Variants in SIPA1L1 observed in about 807,000 individuals in gnomAD.
SIPA1L1 encodes signal-induced proliferation-associated 1-like protein 1.
Under a neutral mutation model 162.7 loss-of-function variants are expected in SIPA1L1, and 26 were observed. The observed-to-expected ratio is 0.16, with a 90% CI of 0.12 to 0.22. The LOEUF (loss-of-function observed/expected upper bound fraction) is 0.22, where lower values mean the gene tolerates loss of function less well. Ranked by LOEUF, SIPA1L1 falls within the 10% of genes least tolerant of loss-of-function variation. The probability of loss-of-function intolerance (pLI) is 1.00; values close to 1 mark genes in which losing one functional copy is unlikely to be tolerated. For missense variants in SIPA1L1, 1,874 were observed against 2,241.0 expected, an observed-to-expected ratio of 0.84 and a Z score of 3.31; for synonymous variants, 829 against 837.4, an observed-to-expected ratio of 0.99 and a Z score of 0.17.
Position 71,326,239 on chromosome 14 carries a change from C to T in SIPA1L1, c.-465+5058C>T, listed in dbSNP as rs369994150. On this transcript the variant is annotated intron_variant, in intron 2 of 23. Coordinates refer to ENST00000381232, the MANE Select transcript of SIPA1L1 (RefSeq NM_001386936.1). Reference sequence around the variant, plus strand: ...TTTTTTTTTTTTTGAGATGGAGTCTCGCTGTGTCACCCAGGCTGGAGTGCA... The same window carrying T: ...TTTTTTTTTTTTTGAGATGGAGTCTTGCTGTGTCACCCAGGCTGGAGTGCA... 5.2e-3 allele frequency among the ~76,000 whole-genome samples: 765 copies of T among 147,776 alleles called. 11 individuals are homozygous for T. The highest frequency in any genetic ancestry group is 0.018 in the African/African-American group (715 of 39,940).
At chr14:71,735,018 T>C (rs535820950) in intron 21 of SIPA1L1, among the ~76,000 whole-genome samples, 1 of 152,304 alleles carries the variant, frequency 6.6e-6, no homozygotes, top group South Asian at 2.1e-4. Flanking sequence ...TTTCATAGAA[T>C]GCTACAGTGA....
In SIPA1L1 at chr14:71,589,086, A is replaced by G; in HGVS notation, c.1214A>G (p.Asp405Gly). 1 of 1,614,182 alleles carries G rather than the reference A, an allele frequency of 6.2e-7. No homozygotes were observed. The highest frequency in any genetic ancestry group is 8.5e-7 in the Non-Finnish European group (1 of 1,179,998). The stretch of plus-strand genomic sequence containing the variant: ...AGCCTCAGCATGGACCAGGGAGATG[A>G]TAAAAGCAATGAGCTTGTAATGAGC... ...KGSLSMDQGDDKSNELVMSCP... is the reference protein window; with the variant it reads ...KGSLSMDQGDGKSNELVMSCP... The change falls in exon 5 of 24, where the codon GAT becomes GGT. Residue 405 changes from aspartate to glycine, a missense_variant. Around this residue, in one of 5 missense-constraint regions of SIPA1L1, gnomAD observed 685 missense variants for 828.0 expected, o/e 0.83. Coordinates refer to ENST00000381232, the MANE Select transcript of SIPA1L1 (RefSeq NM_001386936.1).
In SIPA1L1 at chr14:71,476,649, T is replaced by TTTTATTTA. The variant is rs200935200; in HGVS notation, c.-464-36058_-464-36051dup. 5.7e-3 allele frequency among the ~76,000 whole-genome samples: 841 copies of TTTTATTTA among 146,302 alleles called. 5 individuals are homozygous for TTTTATTTA. Among genetic ancestry groups the TTTTATTTA allele is most frequent in the Middle Eastern group, 0.017 (5 of 286 alleles). On this transcript the variant is annotated intron_variant, in intron 2 of 23. Coordinates refer to ENST00000381232, the MANE Select transcript of SIPA1L1 (RefSeq NM_001386936.1). Reference sequence around the variant, plus strand: ...AATAACAAATCTGTCAATTTGTTCGTTTTATTTATTTATTTATTTATTTAT... The same window carrying TTTTATTTA: ...AATAACAAATCTGTCAATTTGTTCGTTTTATTTATTTATTTATTTATTTATTTATTTAT...
In SIPA1L1 at chr14:71,623,962, C is replaced by A. The variant is rs2039712581; in HGVS notation, c.1630-86C>A. ...TCATTCCCTAGCTCTGTGAGGAGCC[C>A]CACAGTTCAGGCCTGCAGTGCATGT... On this transcript the variant is annotated intron_variant, in intron 6 of 23. Transcript: ENST00000381232. 3.5e-6 allele frequency: 4 copies of A among 1,138,674 alleles called. No homozygotes were observed. In the South Asian group the frequency reaches 6.6e-5, roughly 19 times the overall value. 70.5% of individuals were successfully genotyped at this position (1,138,674 alleles called of 1,614,324 possible). A position where few individuals can be genotyped will look rare whatever the true frequency, so the allele number is the denominator to read the frequency against.
Position 71,393,906 on chromosome 14 carries a change from A to G in SIPA1L1, c.-465+72725A>G, listed in dbSNP as rs145862163. Among the ~76,000 whole-genome samples, 17 of 152,372 alleles carry G rather than the reference A, an allele frequency of 1.1e-4. No individual in the cohort carries two copies. The East Asian group carries it at 3.1e-3, about 28-fold the overall frequency. On this transcript the variant is annotated intron_variant, in intron 2 of 23. Transcript: ENST00000381232. Reference sequence around the variant, plus strand: ...GGCTGATCAGATCCTGGAAAATCTGATATGCTTAAACAGAATTTTTTGAAT... The same window carrying G: ...GGCTGATCAGATCCTGGAAAATCTGGTATGCTTAAACAGAATTTTTTGAAT...
chr14:71,690,357 A>G lies in SIPA1L1; in HGVS notation c.3374+4726A>G, dbSNP rs545191926. 3.3e-5 allele frequency among the ~76,000 whole-genome samples: 5 copies of G among 151,954 alleles called. No individual in the cohort carries two copies. In the South Asian group the frequency reaches 8.3e-4, roughly 25 times the overall value. ...GGGTTCAAGCCATCCTCCCACCTCA[A>G]TCTGCTGAGTAACTAGTACTGCAGG... is the stretch of plus-strand genomic sequence containing the variant. On this transcript the variant is annotated intron_variant, in intron 13 of 23. Coordinates refer to ENST00000381232, the MANE Select transcript of SIPA1L1 (RefSeq NM_001386936.1).
chr14:71,581,267 G>T (rs1262600191), intron 4 of SIPA1L1, among the ~76,000 whole-genome samples: 1 of 152,190 alleles, frequency 6.6e-6, no homozygotes, highest in Non-Finnish European at 1.5e-5. Context: ...CTGGGCTTAA[G>T]AAACCCTCCC....
rs1025825275 is a variant in SIPA1L1, at chr14:71,404,433, A to T, written c.-465+83252A>T. ...ATGGCAGGCGCCTGTAATCCCAGCT[A>T]CTCAGGAGGCTGAGGTAGGAGAATC... On this transcript the variant is annotated intron_variant, in intron 2 of 23. Transcript: ENST00000381232. 2.0e-5 allele frequency among the ~76,000 whole-genome samples: 3 copies of T among 152,242 alleles called. No homozygotes were observed. In the East Asian group the frequency reaches 5.8e-4, roughly 29 times the overall value.
In SIPA1L1 at chr14:71,618,773, T is replaced by G; in HGVS notation, c.1515T>G (p.Phe505Leu). The G allele has an allele frequency of 6.2e-7, 1 of 1,613,780 alleles. No homozygotes were observed. Among genetic ancestry groups the G allele is most frequent in the Non-Finnish European group, 8.5e-7 (1 of 1,179,836 alleles). Reference sequence around the variant, plus strand: ...TTACCTAAGAACACTGGAACTATTTTGGGGCTGATGAGAATCTTGGTCCAG... The same window carrying G: ...TTACCTAAGAACACTGGAACTATTTGGGGGCTGATGAGAATCTTGGTCCAG... ...FFYQKEHWNY[F>L]GADENLGPVA... The change falls in exon 6 of 24, where the codon TTT becomes TTG. Residue 505 changes from phenylalanine (F) to leucine (L), a missense_variant. Transcript: ENST00000381232.
At chr14:71,347,104 A>G (rs1375190060) in intron 2 of SIPA1L1, among the ~76,000 whole-genome samples, 1 of 150,640 alleles carries the variant, frequency 6.6e-6, no homozygotes, top group Non-Finnish European at 1.5e-5. Flanking sequence ...GGCACACGCC[A>G]CTACGTCTGG....
At chr14:71,729,731 A>G (rs552819234) in intron 19 of SIPA1L1, among the ~76,000 whole-genome samples, 5 of 152,350 alleles carry the variant, frequency 3.3e-5, no homozygotes, top group African/African-American at 1.2e-4. Flanking sequence ...GGTCAGAGAC[A>G]CAGGATTCAA....
Position 71,664,557 on chromosome 14 carries a change from A to C in SIPA1L1, c.2255+3090A>C, listed in dbSNP as rs534695380. ...CAAGCATTTATCCTTTGTGTTACAG[A>C]CAATCTAGTTATACTCTTTTAGTTA... On this transcript the variant is annotated intron_variant, in intron 10 of 23. Coordinates refer to ENST00000381232, the MANE Select transcript of SIPA1L1 (RefSeq NM_001386936.1). Among the ~76,000 whole-genome samples the C allele has an allele frequency of 6.6e-5, 10 of 152,324 alleles. No homozygotes were observed. The South Asian group carries it at 2.1e-3, about 32-fold the overall frequency.
At chr14:71,678,979 C>T (rs974138834) in intron 12 of SIPA1L1, among the ~76,000 whole-genome samples, 61 of 151,906 alleles carry the variant, frequency 4.0e-4, no homozygotes, top group Non-Finnish European at 2.1e-4. Context: ...CTGAAAGTGA[C>T]GGGGAGAATG....
At chr14:71,441,675 T>A (rs1055743023) in intron 2 of SIPA1L1, among the ~76,000 whole-genome samples, 1 of 152,124 alleles carries the variant, frequency 6.6e-6, no homozygotes, top group African/African-American at 2.4e-5. Flanking sequence ...GTTGGATAAA[T>A]CTCGGGTAAT....
At chr14:71,438,223 T>C (rs1377703028) in intron 2 of SIPA1L1, among the ~76,000 whole-genome samples, 2 of 152,178 alleles carry the variant, frequency 1.3e-5, no homozygotes, top group East Asian at 3.8e-4. Flanking sequence ...TGCTTTTTTT[T>C]CTCTCAAACT....
intron 3 of SIPA1L1, among the ~76,000 whole-genome samples, chr14:71,523,066 A>G (rs1239194863): frequency 6.6e-6 from 1 of 151,988 alleles, no homozygotes; most frequent in East Asian, 1.9e-4. Context: ...TTCACTGTTC[A>G]TCTGTGTCCA....
At chr14:71,564,058 C>A (rs963642438) in intron 4 of SIPA1L1, among the ~76,000 whole-genome samples, 7 of 152,070 alleles carry the variant, frequency 4.6e-5, no homozygotes, top group African/African-American at 1.7e-4. Context: ...GGGATCCTCT[C>A]ACCTCAAATT....
At chr14:71,391,659 G>T (rs2040770086) in intron 2 of SIPA1L1, among the ~76,000 whole-genome samples, 1 of 152,122 alleles carries the variant, frequency 6.6e-6, no homozygotes, top group African/African-American at 2.4e-5. Flanking sequence ...ATGTGCCTAT[G>T]GTACTCTACC....
intron 5 of SIPA1L1, chr14:71,598,268 T>A: frequency 1.0e-6 from 1 of 971,286 alleles, no homozygotes; most frequent in South Asian, 4.8e-5. Context: ...TGATGGAAGC[T>A]AAAATCAGTG....
Sources: allele counts gnomAD v4.1 joint callset (sites outside exome capture counted in the v4.1 genomes callset), GRCh38; gene constraint gnomAD v4.1.1; regional missense constraint gnomAD v4.1.1; transcripts MANE v1.5; gene names NCBI Gene and HGNC (gene_info 2026-07-23, HGNC 2026-07-21).